Variants in SAMD12 observed in about 807,000 individuals in gnomAD.
SAMD12 encodes the protein sterile alpha motif domain-containing protein 12.
Under a neutral mutation model 15.0 loss-of-function variants are expected in SAMD12, and 9 were observed. That is an observed-to-expected ratio of 0.60 (90% CI 0.36 to 1.05). SAMD12 has a LOEUF of 1.05. Ranked by LOEUF, SAMD12 falls within the 50% of genes least tolerant of loss-of-function variation. SAMD12 has a pLI of 0.01. For synonymous variants in SAMD12, 86 were observed against 90.1 expected, an observed-to-expected ratio of 0.96 and a Z score of 0.25; for missense variants, 230 against 234.2, an observed-to-expected ratio of 0.98 and a Z score of 0.12.
chr8:118,218,443 A>T (rs375526782), intron 4 of SAMD12, among the ~76,000 whole-genome samples: 19 of 152,118 alleles, frequency 1.2e-4, no homozygotes, highest in African/African-American at 3.9e-4. Flanking sequence ...ATCTATTATT[A>T]ACTATAATCA....
intron 2 of SAMD12, among the ~76,000 whole-genome samples, chr8:118,495,060 T>A (rs1223058456): frequency 6.6e-6 from 1 of 152,126 alleles, no homozygotes; most frequent in Non-Finnish European, 1.5e-5. Context: ...AAAGTGCCCA[T>A]AAAGTGCATG....
At chr8:118,277,703 C>T (rs576795407) in intron 4 of SAMD12, among the ~76,000 whole-genome samples, 1 of 152,120 alleles carries the variant, frequency 6.6e-6, no homozygotes, top group South Asian at 2.1e-4. Flanking sequence ...TTTTCATATA[C>T]TGACTTTATT....
downstream of SAMD12, chr8:118,375,700 T>C (rs892849456): frequency 1.3e-5 from 2 of 152,118 alleles, no homozygotes; most frequent in Non-Finnish European, 2.9e-5. Flanking sequence ...TTCCTTCTTG[T>C]TTCTTTTTAA....
At chr8:118,464,768 GA>G (rs1430921958) in intron 2 of SAMD12, among the ~76,000 whole-genome samples, 6 of 151,922 alleles carry the variant, frequency 3.9e-5, no homozygotes, top group African/African-American at 1.5e-4. Flanking sequence ...ATTTGCCAAT[GA>G]ATTTCTAAAA....
intron 3 of SAMD12, among the ~76,000 whole-genome samples, chr8:118,381,990 C>T (rs1819698659): frequency 6.6e-6 from 1 of 152,216 alleles, no homozygotes; most frequent in Non-Finnish European, 1.5e-5. Flanking sequence ...GAGTGCCTGG[C>T]TTGCAGGATA....
chr8:118,576,463 C>T (rs1019490345), intron 2 of SAMD12, among the ~76,000 whole-genome samples: 1 of 152,192 alleles, frequency 6.6e-6, no homozygotes, highest in African/African-American at 2.4e-5. Flanking sequence ...CACACCTGGG[C>T]ATTTCTGCTG....
chr8:118,606,125 G>C (rs1827980824), intron 1 of SAMD12, among the ~76,000 whole-genome samples: 1 of 152,078 alleles, frequency 6.6e-6, no homozygotes, highest in South Asian at 2.1e-4. Context: ...CTCATTACTT[G>C]AGTCACGCAT....
At chr8:118,512,469 A>G (rs1161841058) in intron 2 of SAMD12, among the ~76,000 whole-genome samples, 1 of 152,200 alleles carries the variant, frequency 6.6e-6, no homozygotes, top group Non-Finnish European at 1.5e-5. Flanking sequence ...GAATAATTTG[A>G]ACATATATCA....
chr8:118,367,992 A>C (rs1457307568), intron 4 of SAMD12, among the ~76,000 whole-genome samples: 1 of 152,226 alleles, frequency 6.6e-6, no homozygotes, highest in Non-Finnish European at 1.5e-5. Flanking sequence ...TAATCAGGAT[A>C]TACATCTCAT....
chr8:118,210,607 C>T (rs1219056066), intron 4 of SAMD12, among the ~76,000 whole-genome samples: 1 of 152,154 alleles, frequency 6.6e-6, no homozygotes, highest in Non-Finnish European at 1.5e-5. Flanking sequence ...AACAAGAAAA[C>T]AACTTGACCT....
chr8:118,603,448 A>C (rs965652196), intron 1 of SAMD12, among the ~76,000 whole-genome samples: 7 of 152,254 alleles, frequency 4.6e-5, no homozygotes, highest in African/African-American at 1.7e-4. Flanking sequence ...ACATGACTGG[A>C]AACTAGAATA....
intron 4 of SAMD12, among the ~76,000 whole-genome samples, chr8:118,237,440 C>G (rs1259291313): frequency 6.6e-6 from 1 of 152,120 alleles, no homozygotes; most frequent in Non-Finnish European, 1.5e-5. Context: ...AAGGAGCAAC[C>G]CTTCCTGGGT....
chr8:118,478,005 C>A (rs1824010131), intron 2 of SAMD12, among the ~76,000 whole-genome samples: 3 of 134,996 alleles, frequency 2.2e-5, no homozygotes, highest in South Asian at 2.6e-4. Context: ...CAGAGCGAGA[C>A]CCTGTCTCAA....
At chr8:118,138,091 G>T in the SAMD12 span, among the ~76,000 whole-genome samples, 2 of 152,178 alleles carry the variant, frequency 1.3e-5, no homozygotes, top group Non-Finnish European at 2.9e-5. Flanking sequence ...AAGGCAGAGG[G>T]TGAGACTGAA....
chr8:118,529,574 G>A (rs1446860275), intron 2 of SAMD12, among the ~76,000 whole-genome samples: 1 of 152,064 alleles, frequency 6.6e-6, no homozygotes, highest in Non-Finnish European at 1.5e-5. Context: ...AGTTGCCAGT[G>A]TCTATTATTC....
At chr8:118,177,692 C>T in the SAMD12 span, among the ~76,000 whole-genome samples, 2 of 152,104 alleles carry the variant, frequency 1.3e-5, no homozygotes, top group African/African-American at 4.8e-5. Flanking sequence ...CACTGCACTT[C>T]AGCCTGGCTG....
At chr8:118,399,547 G>A (rs1193590927) in intron 3 of SAMD12, among the ~76,000 whole-genome samples, 7 of 152,106 alleles carry the variant, frequency 4.6e-5, no homozygotes, top group Admixed American at 2.0e-4. Context: ...ACCTGCCCCA[G>A]GTACCCTAGT....
intron 2 of SAMD12, among the ~76,000 whole-genome samples, chr8:118,480,041 G>T (rs1824081754): frequency 4.6e-5 from 7 of 152,132 alleles, no homozygotes; most frequent in South Asian, 4.1e-4. Context: ...ATAAAACAAA[G>T]AAAAAATTAG....
chr8:118,478,521 C>T (rs1824029139), intron 2 of SAMD12, among the ~76,000 whole-genome samples: 1 of 152,196 alleles, frequency 6.6e-6, no homozygotes, highest in Admixed American at 6.5e-5. Flanking sequence ...ATTTCTAAAG[C>T]ACATTAGATA....
Sources: gnomAD v4.1 joint callset for allele counts (sites outside exome capture counted in the v4.1 genomes callset) on GRCh38, gnomAD v4.1.1 for gene constraint, MANE v1.5 for transcripts, NCBI Gene and HGNC (gene_info 2026-07-23, HGNC 2026-07-21) for gene names.